The following SND1 variants were observed in gnomAD, a reference collection of about 807,000 sequenced individuals.
SND1 encodes the protein staphylococcal nuclease and tudor domain containing 1.
Under a neutral mutation model 121.7 loss-of-function variants are expected in SND1, and 38 were observed. The ratio of observed to expected loss-of-function variants is 0.31; its 90% CI spans 0.24 to 0.41. The LOEUF (loss-of-function observed/expected upper bound fraction) is 0.41. Among genes scored for constraint, SND1 ranks in the 10% least tolerant of loss-of-function variants. The probability of loss-of-function intolerance (pLI) is 1.00; values close to 1 mark genes in which losing one functional copy is unlikely to be tolerated. For missense variants in SND1, 868 were observed against 1,184.6 expected, an observed-to-expected ratio of 0.73 and a Z score of 3.92; for synonymous variants, 401 against 447.4, an observed-to-expected ratio of 0.90 and a Z score of 1.31.
At chr7:127,706,133 T>C (rs1796190743) in intron 8 of SND1, among the ~76,000 whole-genome samples, 2 of 152,208 alleles carry the variant, frequency 1.3e-5, no homozygotes, top group Non-Finnish European at 2.9e-5. Flanking sequence ...GTGTTCCAAA[T>C]ACTTCCGATT....
intron 10 of SND1, among the ~76,000 whole-genome samples, chr7:127,781,022 G>T (rs1024128494): frequency 6.6e-6 from 1 of 152,182 alleles, no homozygotes; most frequent in African/African-American, 2.4e-5. Flanking sequence ...GACTAGGTTT[G>T]TTCTGCGGGA....
At chr7:127,958,927 T>C (rs117445813) in intron 15 of SND1, among the ~76,000 whole-genome samples, 2,617 of 152,296 alleles carry the variant, frequency 0.017, 49 homozygotes, top group Non-Finnish European at 0.027. Context: ...GATGAGAGCA[T>C]GCAGCATGCT....
intron 17 of SND1, 52 bp from the exon 18 acceptor site, chr7:128,081,308 T>C: frequency 6.2e-7 from 1 of 1,609,208 alleles, no homozygotes; most frequent in Non-Finnish European, 8.5e-7. Context: ...CCAGTGTCTT[T>C]TATGACTTCA....
Position 127,721,335 on chromosome 7 carries a change from G to A in SND1, c.1087G>A (p.Gly363Ser). 6.2e-7 allele frequency: 1 copy of A among 1,613,772 alleles called. No individual in the cohort carries two copies. The highest frequency in any genetic ancestry group is 2.2e-5 in the East Asian group (1 of 44,872). The change falls in exon 10 of 24, where the codon GGC (glycine) becomes AGC (serine). Residue 363 changes from glycine to serine, a missense_variant. By Grantham distance (56) the Gly-to-Ser change is moderately conservative. Around this residue, in one of 2 missense-constraint regions of SND1, gnomAD observed 743 missense variants for 1,071.3 expected, o/e 0.69. Transcript: ENST00000354725. ...TGCCATTGTTGTGAAGCTGAACTCA[G>A]GCGATTACAAGACGATTCACCTGTC... ...ADAIVVKLNS[G>S]DYKTIHLSSI...
At chr7:127,964,235 CT>C (rs1801804119) in intron 15 of SND1, among the ~76,000 whole-genome samples, 1 of 151,400 alleles carries the variant, frequency 6.6e-6, no homozygotes, top group Non-Finnish European at 1.5e-5. Context: ...GTTTCTTTTG[CT>C]GTGCAGAAGC....
At chr7:127,887,513 G>A (rs1312688450) in intron 12 of SND1, among the ~76,000 whole-genome samples, 5 of 151,972 alleles carry the variant, frequency 3.3e-5, no homozygotes, top group African/African-American at 1.2e-4. Context: ...AGAAATTTAG[G>A]TCATGCTTTT....
At chr7:127,999,321 A>G (rs1252455153) in intron 16 of SND1, 2 of 152,092 alleles carry the variant, frequency 1.3e-5, no homozygotes, top group Non-Finnish European at 2.9e-5. Flanking sequence ...CTACTATAGT[A>G]AACTCTTCCT....
chr7:127,693,228 A>G (rs1795952180), intron 2 of SND1, among the ~76,000 whole-genome samples: 2 of 152,166 alleles, frequency 1.3e-5, no homozygotes, highest in Admixed American at 6.5e-5. Flanking sequence ...TTTGTCAATC[A>G]TCAGACTCTT....
At chr7:127,929,824 G>A (rs564150415) in intron 15 of SND1, among the ~76,000 whole-genome samples, 1 of 152,094 alleles carries the variant, frequency 6.6e-6, no homozygotes, top group Non-Finnish European at 1.5e-5. Context: ...CCATGACGTT[G>A]CTTTCACACG....
At chr7:127,829,931 G>A (rs1282984843) in intron 11 of SND1, among the ~76,000 whole-genome samples, 1 of 152,212 alleles carries the variant, frequency 6.6e-6, no homozygotes, top group Admixed American at 6.5e-5. Context: ...TCTTTTCAGT[G>A]AATTGGATAA....
At chr7:127,784,055 C>T (rs1797770518) in intron 10 of SND1, among the ~76,000 whole-genome samples, 1 of 152,178 alleles carries the variant, frequency 6.6e-6, no homozygotes, top group Non-Finnish European at 1.5e-5. Context: ...TGAGTTTCTA[C>T]ATATGGGTTA....
chr7:127,761,356 A>G (rs916792574), intron 10 of SND1, among the ~76,000 whole-genome samples: 3 of 152,082 alleles, frequency 2.0e-5, no homozygotes, highest in Non-Finnish European at 2.9e-5. Context: ...TCTCAGTTAC[A>G]GTTTGATAAA....
intron 10 of SND1, among the ~76,000 whole-genome samples, chr7:127,774,355 C>T (rs1797575634): frequency 6.6e-6 from 1 of 152,068 alleles, no homozygotes; most frequent in African/African-American, 2.4e-5. Flanking sequence ...TTATAGTAAG[C>T]CAAGATTAAT....
intron 16 of SND1, among the ~76,000 whole-genome samples, chr7:128,018,391 C>T (rs976632004): frequency 6.6e-6 from 1 of 152,202 alleles, no homozygotes; most frequent in African/African-American, 2.4e-5. Context: ...ATGCTGTGTA[C>T]ACACAGATGG....
At chr7:127,700,118 C>G (rs1157606440) in intron 4 of SND1, among the ~76,000 whole-genome samples, 2 of 152,118 alleles carry the variant, frequency 1.3e-5, no homozygotes, top group Non-Finnish European at 2.9e-5. Flanking sequence ...TGGGGGAATT[C>G]AGTTTGCAAT....
intron 14 of SND1, among the ~76,000 whole-genome samples, chr7:127,923,299 C>CT (rs1013105015): frequency 3.9e-5 from 6 of 152,092 alleles, no homozygotes; most frequent in Middle Eastern, 3.4e-3. Context: ...GCTTTAGCAC[C>CT]TTTTTTTTCT....
chr7:127,711,731 ATCTTCC>A (rs1282011581), intron 9 of SND1, among the ~76,000 whole-genome samples: 2 of 151,778 alleles, frequency 1.3e-5, no homozygotes, highest in African/African-American at 4.8e-5. Flanking sequence ...TTGTGGGCTC[ATCTTCC>A]AGTTTTTTTC....
At chr7:127,840,332 C>A (rs183392361) in intron 11 of SND1, among the ~76,000 whole-genome samples, 1 of 152,194 alleles carries the variant, frequency 6.6e-6, no homozygotes, top group Non-Finnish European at 1.5e-5. Context: ...AAAGATGTTA[C>A]GTGCCTCATT....
intron 16 of SND1, among the ~76,000 whole-genome samples, chr7:128,041,502 C>T (rs6953231): frequency 0.23 from 34,882 of 152,080 alleles, 4,318 homozygotes; most frequent in Middle Eastern, 0.29. Context: ...TCTTGCTCCA[C>T]GTTTTTAGAG....
Sources: allele counts gnomAD v4.1 joint callset (sites outside exome capture counted in the v4.1 genomes callset), GRCh38; gene constraint gnomAD v4.1.1; regional missense constraint gnomAD v4.1.1; transcripts MANE v1.5; gene names NCBI Gene and HGNC (gene_info 2026-07-23, HGNC 2026-07-21).